The following ZNHIT6 variants were observed in gnomAD, a reference collection of about 807,000 sequenced individuals.
ZNHIT6 encodes zinc finger HIT-type containing 6.
Under a neutral mutation model 57.2 loss-of-function variants are expected in ZNHIT6, and 45 were observed. The ratio of observed to expected loss-of-function variants is 0.79; its 90% CI spans 0.62 to 1.01. The LOEUF (loss-of-function observed/expected upper bound fraction) is 1.01. Ranked by LOEUF, ZNHIT6 falls within the 50% of genes least tolerant of loss-of-function variation. ZNHIT6 has a pLI of 0.00. For missense variants in ZNHIT6, 528 were observed against 567.3 expected (o/e 0.93, Z 0.70); for synonymous variants, 188 against 190.0 (o/e 0.99, Z 0.09).
intron 1 of ZNHIT6, among the ~76,000 whole-genome samples, chr1:85,707,045 G>A (rs1303546889): frequency 6.6e-6 from 1 of 152,072 alleles, no homozygotes; most frequent in Non-Finnish European, 1.5e-5. Flanking sequence ...CTATGCTCCT[G>A]GGATACTGAC....
At chr1:85,665,028 A>G (rs963059427) in intron 8 of ZNHIT6, among the ~76,000 whole-genome samples, 1 of 151,890 alleles carries the variant, frequency 6.6e-6, no homozygotes, top group Non-Finnish European at 1.5e-5. Flanking sequence ...GACAGGTTTC[A>G]CTATGTTGGC....
chr1:85,685,952 T>TTA (rs1662021842), intron 5 of ZNHIT6, among the ~76,000 whole-genome samples: 2 of 151,702 alleles, frequency 1.3e-5, no homozygotes, highest in Non-Finnish European at 2.9e-5. Context: ...AATTTTAACA[T>TTA]TCTTTTTTTT....
At chr1:85,673,706 C>T (rs1405753717) in intron 8 of ZNHIT6, among the ~76,000 whole-genome samples, 3 of 151,462 alleles carry the variant, frequency 2.0e-5, no homozygotes, top group African/African-American at 4.8e-5. Flanking sequence ...ACATTTATAA[C>T]CTATAATAAT....
At chr1:85,692,906 C>T (rs1662258478) in intron 5 of ZNHIT6, among the ~76,000 whole-genome samples, 1 of 152,078 alleles carries the variant, frequency 6.6e-6, no homozygotes, top group African/African-American at 2.4e-5. Context: ...TATTTCTTTA[C>T]AAGAGGGACA....
chr1:85,650,378 T>C lies in ZNHIT6; in HGVS notation c.*3680A>G, dbSNP rs1660869566. 6.6e-6 allele frequency: 1 copy of C among 152,190 alleles called. No individual in the cohort carries two copies. The highest frequency in any genetic ancestry group is 6.6e-5 in the Admixed American group (1 of 15,266). 9.4% of individuals were successfully genotyped at this position (152,190 alleles called of 1,614,324 possible). A position where few individuals can be genotyped will look rare whatever the true frequency, so the allele number is the denominator to read the frequency against. ...AAGAAAATAATCAGAGCCAAGTGTG[T>C]AGGATGGCAAGATGACTGCTTTTGA... is the stretch of plus-strand genomic sequence containing the variant. On this transcript the variant is annotated 3_prime_UTR_variant, in exon 10 of 10. Transcript: ENST00000370574.
intron 5 of ZNHIT6, among the ~76,000 whole-genome samples, chr1:85,688,903 C>T (rs989943453): frequency 6.6e-6 from 1 of 152,112 alleles, no homozygotes; most frequent in African/African-American, 2.4e-5. Context: ...AATTGAAGTC[C>T]ATCTACCTCT....
At chr1:85,666,047 A>T (rs921724447) in intron 8 of ZNHIT6, among the ~76,000 whole-genome samples, 4 of 152,144 alleles carry the variant, frequency 2.6e-5, no homozygotes, top group African/African-American at 9.7e-5. Flanking sequence ...TTCATTCCTC[A>T]TTCAACAAAT....
At chr1:85,674,302 T>C (rs1661643208) in intron 8 of ZNHIT6, among the ~76,000 whole-genome samples, 1 of 152,146 alleles carries the variant, frequency 6.6e-6, no homozygotes, top group Non-Finnish European at 1.5e-5. Context: ...AGGTTTATCT[T>C]TTTCTTTTTT....
At chr1:85,666,553 C>T (rs1661375738) in intron 8 of ZNHIT6, among the ~76,000 whole-genome samples, 1 of 152,102 alleles carries the variant, frequency 6.6e-6, no homozygotes, top group Non-Finnish European at 1.5e-5. Flanking sequence ...TCAAACTAAC[C>T]TTCTCAGGTT....
intron 8 of ZNHIT6, among the ~76,000 whole-genome samples, chr1:85,663,188 A>G (rs1407611606): frequency 6.6e-6 from 1 of 152,202 alleles, no homozygotes; most frequent in African/African-American, 2.4e-5. Context: ...TTGCTAAGCT[A>G]GCATCAGTAA....
At chr1:85,706,528 C>G in intron 1 of ZNHIT6, 21 bp from the exon 2 acceptor site, 3 of 1,522,002 alleles carry the variant, frequency 2.0e-6, no homozygotes, top group Non-Finnish European at 2.6e-6. Context: ...CCACATGTAA[C>G]ATTAAATTAT....
chr1:85,707,919 A>G lies in ZNHIT6; in HGVS notation c.366T>C (p.Asp122=), dbSNP rs1397244189. ...AGVLEVKQET[D]SSLVVKEAKV... ...TCGCTTCTTTTACCACTAAACTACT[A>G]TCCGTCTCCTGCTTCACCTCCAATA... Residue 122 remains aspartate, a synonymous_variant, in exon 1 of 10, where the codon GAT becomes GAC. Coordinates refer to ENST00000370574, the MANE Select transcript of ZNHIT6 (RefSeq NM_017953.4). The G allele has an allele frequency of 6.2e-7, 1 of 1,613,478 alleles. No homozygotes were observed. Among genetic ancestry groups the G allele is most frequent in the Non-Finnish European group, 8.5e-7 (1 of 1,179,916 alleles).
At position 85,667,961 on chromosome 1, in the gene ZNHIT6, A is replaced by AAAAAAAAAAAAAAATGTATATAT; in HGVS notation, c.1247+9274_1247+9275insATATATACATTTTTTTTTTTTTT. On this transcript the variant is annotated intron_variant, in intron 8 of 9. Transcript: ENST00000370574. ...ACTCTCTCTTTCAAAAAAAAAAAAA[A>AAAAAAAAAAAAAAATGTATATAT]ATATATATATATATATATATATATG... is the stretch of plus-strand genomic sequence containing the variant. 7.1e-4 allele frequency among the ~76,000 whole-genome samples: 13 copies of AAAAAAAAAAAAAAATGTATATAT among 18,200 alleles called. 3 individuals are homozygous for AAAAAAAAAAAAAAATGTATATAT. The highest frequency in any genetic ancestry group is 9.9e-4 in the Non-Finnish European group (10 of 10,106). 11.9% of individuals were successfully genotyped at this position (18,200 alleles called of 152,430 possible).
rs1259070663 is a variant in ZNHIT6, at chr1:85,651,508, T to A, written c.*2550A>T. 1 of 152,246 alleles carries A rather than the reference T, an allele frequency of 6.6e-6. No individual in the cohort carries two copies. The highest frequency in any genetic ancestry group is 1.5e-5 in the Non-Finnish European group (1 of 68,062). The allele number at this position is 152,246 out of a possible 1,614,324, so 9.4% of individuals were successfully genotyped here. Reference sequence around the variant, plus strand: ...GCCTCAGCCTCCCAAAGTGCTGGGATTACAGCTGTGAGCCACTGTGCCTAG... The same window carrying A: ...GCCTCAGCCTCCCAAAGTGCTGGGAATACAGCTGTGAGCCACTGTGCCTAG... On this transcript the variant is annotated 3_prime_UTR_variant, in exon 10 of 10. Coordinates refer to ENST00000370574, the MANE Select transcript of ZNHIT6 (RefSeq NM_017953.4).
chr1:85,676,564 G>C (rs1298193037), intron 8 of ZNHIT6, among the ~76,000 whole-genome samples: 1 of 152,082 alleles, frequency 6.6e-6, no homozygotes. Context: ...CCTTTCACTT[G>C]AACACTCACA....
intron 4 of ZNHIT6, among the ~76,000 whole-genome samples, chr1:85,702,605 G>A (rs1352291688): frequency 1.3e-5 from 2 of 152,040 alleles, no homozygotes; most frequent in Non-Finnish European, 2.9e-5. Context: ...AAAAACACAG[G>A]TCATTTGGCA....
At chr1:85,672,977 C>CA (rs1232599042) in intron 8 of ZNHIT6, among the ~76,000 whole-genome samples, 1 of 152,168 alleles carries the variant, frequency 6.6e-6, no homozygotes, top group African/African-American at 2.4e-5. Context: ...ATAAATTCTT[C>CA]AGTCAGTAGT....
chr1:85,655,244 T>C (rs1015457329), intron 9 of ZNHIT6, among the ~76,000 whole-genome samples: 2 of 152,130 alleles, frequency 1.3e-5, no homozygotes, highest in Non-Finnish European at 2.9e-5. Context: ...TATAATAAGT[T>C]TTACATGCGT....
chr1:85,679,114 A>G (rs142772868), intron 6 of ZNHIT6, among the ~76,000 whole-genome samples: 7 of 152,326 alleles, frequency 4.6e-5, no homozygotes, highest in African/African-American at 1.7e-4. Flanking sequence ...TGAAACTAGC[A>G]GAAATAATAA....
Sources: gnomAD v4.1 joint callset for allele counts (sites outside exome capture counted in the v4.1 genomes callset) on GRCh38, gnomAD v4.1.1 for gene constraint, MANE v1.5 for transcripts, NCBI Gene and HGNC (gene_info 2026-07-23, HGNC 2026-07-21) for gene names.